The following INPP4B variants were observed in gnomAD, a reference collection of about 807,000 sequenced individuals.
The protein encoded by INPP4B is inositol polyphosphate 4-phosphatase type II.
A neutral mutation model predicts 122.5 loss-of-function variants in INPP4B; 55 were observed. The observed-to-expected ratio is 0.45, with a 90% CI of 0.36 to 0.56. INPP4B has a LOEUF of 0.56. INPP4B is among the 20% of genes least tolerant of loss of function. The pLI is 0.00. For synonymous variants in INPP4B, 403 were observed against 388.7 expected (o/e 1.04, Z -0.43); for missense variants, 1,000 against 1,097.7 (o/e 0.91, Z 1.26).
intron 14 of INPP4B, among the ~76,000 whole-genome samples, chr4:142,195,304 T>C (rs1205432598): frequency 6.6e-6 from 1 of 152,216 alleles, no homozygotes; most frequent in Non-Finnish European, 1.5e-5. Flanking sequence ...AAAGTTGTTA[T>C]TCAATAGGCA....
intron 11 of INPP4B, among the ~76,000 whole-genome samples, chr4:142,242,296 T>C (rs1859814332): frequency 6.6e-6 from 1 of 152,122 alleles, no homozygotes; most frequent in African/African-American, 2.4e-5. Flanking sequence ...AAGAAAAACA[T>C]GAGAGGAGCT....
chr4:142,056,052 C>T (rs1336455324), intron 25 of INPP4B, among the ~76,000 whole-genome samples: 1 of 151,782 alleles, frequency 6.6e-6, no homozygotes, highest in East Asian at 1.9e-4. Flanking sequence ...AGATTCCTCG[C>T]ATGTGCAGTT....
intron 25 of INPP4B, among the ~76,000 whole-genome samples, chr4:142,055,699 T>G (rs1474264739): frequency 6.6e-6 from 1 of 151,952 alleles, no homozygotes; most frequent in Non-Finnish European, 1.5e-5. Context: ...TAAATCTTTT[T>G]TTTTTGTACA....
chr4:142,644,368 G>T (rs1382456455), intron 2 of INPP4B, among the ~76,000 whole-genome samples: 1 of 151,888 alleles, frequency 6.6e-6, no homozygotes, highest in Non-Finnish European at 1.5e-5. Context: ...ATCCTGTCAG[G>T]ATCACTGTAG....
chr4:142,429,076 T>G, intron 5 of INPP4B, 97 bp downstream of exon 5: 1 of 599,218 alleles, frequency 1.7e-6, no homozygotes, highest in Non-Finnish European at 3.0e-6. Flanking sequence ...CATAAAAATT[T>G]GTCAAATATG....
chr4:142,643,304 G>T (rs977820682), intron 2 of INPP4B, among the ~76,000 whole-genome samples: 8 of 152,130 alleles, frequency 5.3e-5, no homozygotes, highest in African/African-American at 1.9e-4. Flanking sequence ...CAAGAATAGT[G>T]TATGCTTTAT....
chr4:142,231,254 T>C (rs1579370428), intron 12 of INPP4B, among the ~76,000 whole-genome samples: 3 of 152,376 alleles, frequency 2.0e-5, no homozygotes, highest in East Asian at 3.9e-4. Context: ...TGCGCCGTTA[T>C]GTCCCTGCCA....
At chr4:142,331,148 G>A (rs570041351) in intron 7 of INPP4B, among the ~76,000 whole-genome samples, 7 of 152,268 alleles carry the variant, frequency 4.6e-5, no homozygotes, top group African/African-American at 1.7e-4. Flanking sequence ...TAAGAAGAGT[G>A]GTGTGCAGAT....
chr4:142,683,203 G>A (rs1580700822), intron 2 of INPP4B, among the ~76,000 whole-genome samples: 1 of 151,934 alleles, frequency 6.6e-6, no homozygotes, highest in African/African-American at 2.4e-5. Context: ...TTTTCTCAAC[G>A]TGCTTTGTTT....
chr4:142,652,979 C>A (rs1753330178), intron 2 of INPP4B, among the ~76,000 whole-genome samples: 1 of 152,188 alleles, frequency 6.6e-6, no homozygotes. Flanking sequence ...AACTATACTA[C>A]AAGGCTACAG....
chr4:142,494,791 C>T (rs956637195), intron 2 of INPP4B, among the ~76,000 whole-genome samples: 7 of 152,068 alleles, frequency 4.6e-5, no homozygotes, highest in Admixed American at 4.6e-4. Context: ...TCTATCTTTG[C>T]ATAGGACACC....
chr4:142,550,620 A>T (rs550307934), intron 2 of INPP4B, among the ~76,000 whole-genome samples: 1,069 of 92,518 alleles, frequency 0.012, 15 homozygotes, highest in African/African-American at 0.033. Flanking sequence ...ATATATATAT[A>T]TTTTTTTTTT....
chr4:142,620,592 C>T (rs1744693397), intron 2 of INPP4B, among the ~76,000 whole-genome samples: 1 of 151,826 alleles, frequency 6.6e-6, no homozygotes, highest in Non-Finnish European at 1.5e-5. Context: ...GTATGTACAA[C>T]AAACCCGCAT....
intron 2 of INPP4B, among the ~76,000 whole-genome samples, chr4:142,671,244 C>A (rs1756947950): frequency 6.6e-6 from 1 of 152,118 alleles, no homozygotes; most frequent in African/African-American, 2.4e-5. Flanking sequence ...ATCCACCAAT[C>A]TCCCTAAAGT....
At chr4:142,163,884 T>C (rs1561341095) in intron 16 of INPP4B, among the ~76,000 whole-genome samples, 1 of 151,826 alleles carries the variant, frequency 6.6e-6, no homozygotes, top group East Asian at 1.9e-4. Context: ...TCTTTTCTCA[T>C]TTAGCGTGAA....
At chr4:142,835,487 G>T (rs1178321489) in intron 1 of INPP4B, among the ~76,000 whole-genome samples, 1 of 152,092 alleles carries the variant, frequency 6.6e-6, no homozygotes, top group Admixed American at 6.6e-5. Context: ...AAAAATTCTG[G>T]ACTATTTTCA....
intron 2 of INPP4B, among the ~76,000 whole-genome samples, chr4:142,697,193 A>G (rs764934321): frequency 1.3e-5 from 2 of 152,194 alleles, no homozygotes; most frequent in Non-Finnish European, 2.9e-5. Flanking sequence ...AGACATTTAA[A>G]TTATATGGTT....
At chr4:142,259,136 T>C (rs1183222947) in intron 11 of INPP4B, among the ~76,000 whole-genome samples, 2 of 139,170 alleles carry the variant, frequency 1.4e-5, no homozygotes, top group Non-Finnish European at 3.0e-5. Flanking sequence ...TTCTCACTCA[T>C]AGGTGGGAAT....
chr4:142,378,762 A>C (rs1361847057), intron 7 of INPP4B, among the ~76,000 whole-genome samples: 1 of 152,194 alleles, frequency 6.6e-6, no homozygotes, highest in Non-Finnish European at 1.5e-5. Flanking sequence ...TTTTGTGAAT[A>C]TCACTCAATG....
Sources: gnomAD v4.1 joint callset for allele counts (sites outside exome capture counted in the v4.1 genomes callset) on GRCh38, gnomAD v4.1.1 for gene constraint, MANE v1.5 for transcripts, NCBI Gene and HGNC (gene_info 2026-07-23, HGNC 2026-07-21) for gene names.